Variants in NLGN1 observed in about 807,000 individuals in gnomAD.
NLGN1 encodes neuroligin-1.
NLGN1 carries 12 observed loss-of-function variants against 65.5 expected under a neutral mutation model. The ratio of observed to expected loss-of-function variants is 0.18; its 90% CI spans 0.12 to 0.30. The LOEUF (loss-of-function observed/expected upper bound fraction) is 0.30, where lower values mean the gene tolerates loss of function less well. Among genes scored for constraint, NLGN1 ranks in the 10% least tolerant of loss-of-function variants. The pLI is 1.00. For missense variants in NLGN1, 750 were observed against 1,007.1 expected (o/e 0.74, Z 3.46); for synonymous variants, 350 against 359.5 (o/e 0.97, Z 0.30).
At chr3:173,408,134 T>C (rs1711658252) in intron 1 of NLGN1, among the ~76,000 whole-genome samples, 1 of 152,120 alleles carries the variant, frequency 6.6e-6, no homozygotes, top group South Asian at 2.1e-4. Context: ...GGCACAATCC[T>C]GCCTACATAT....
intron 2 of NLGN1, among the ~76,000 whole-genome samples, chr3:173,515,368 T>C (rs1017652698): frequency 6.6e-6 from 1 of 152,172 alleles, no homozygotes; most frequent in South Asian, 2.1e-4. Flanking sequence ...TTGAGTCCCT[T>C]ATATATTTTG....
chr3:173,944,374 A>G (rs1188737346), intron 4 of NLGN1, among the ~76,000 whole-genome samples: 1 of 152,172 alleles, frequency 6.6e-6, no homozygotes, highest in African/African-American at 2.4e-5. Flanking sequence ...CTTTGTTTAC[A>G]TGGGCAACAT....
chr3:173,815,070 T>A (rs1718746252), intron 4 of NLGN1, among the ~76,000 whole-genome samples: 1 of 151,328 alleles, frequency 6.6e-6, no homozygotes, highest in Admixed American at 6.6e-5. Context: ...CCTTCCTTCT[T>A]TCCTTCGTTC....
At chr3:174,061,830 C>T (rs1406204252) in intron 4 of NLGN1, among the ~76,000 whole-genome samples, 2 of 152,076 alleles carry the variant, frequency 1.3e-5, no homozygotes, top group African/African-American at 4.8e-5. Flanking sequence ...GTTGCAGTTT[C>T]TTAAAATGGG....
At chr3:173,557,795 C>T (rs750482676) in intron 2 of NLGN1, among the ~76,000 whole-genome samples, 2 of 151,996 alleles carry the variant, frequency 1.3e-5, no homozygotes, top group Non-Finnish European at 2.9e-5. Context: ...ATTCAATTGT[C>T]TATTAAACAA....
chr3:173,569,917 G>T (rs1410386965), intron 2 of NLGN1, among the ~76,000 whole-genome samples: 1 of 152,054 alleles, frequency 6.6e-6, no homozygotes, highest in Non-Finnish European at 1.5e-5. Flanking sequence ...ATTCATTCAT[G>T]CATTTCTTCT....
chr3:173,831,157 T>C (rs970775820), intron 4 of NLGN1, among the ~76,000 whole-genome samples: 1 of 152,188 alleles, frequency 6.6e-6, no homozygotes, highest in Admixed American at 6.5e-5. Flanking sequence ...CCATTGTGTA[T>C]ATGTACCACA....
intron 4 of NLGN1, among the ~76,000 whole-genome samples, chr3:173,836,475 A>G (rs1723656354): frequency 6.6e-6 from 1 of 152,150 alleles, no homozygotes; most frequent in African/African-American, 2.4e-5. Flanking sequence ...AAATCAGAGG[A>G]TTTTGTAACT....
intron 4 of NLGN1, among the ~76,000 whole-genome samples, chr3:174,029,727 G>C (rs989112160): frequency 6.6e-6 from 1 of 152,160 alleles, no homozygotes. Context: ...GTGGGGCCAG[G>C]TGGAGATAAT....
intron 2 of NLGN1, among the ~76,000 whole-genome samples, chr3:173,553,821 T>TA (rs1741278079): frequency 6.6e-6 from 1 of 152,172 alleles, no homozygotes; most frequent in African/African-American, 2.4e-5. Flanking sequence ...GGCTCTTAGC[T>TA]ATTTTGTGAA....
intron 4 of NLGN1, among the ~76,000 whole-genome samples, chr3:173,825,697 A>G (rs1037413113): frequency 9.9e-5 from 15 of 152,224 alleles, no homozygotes; most frequent in African/African-American, 3.6e-4. Context: ...AAAGGATTAG[A>G]TCTAAGAAAT....
At chr3:173,542,597 C>A (rs1354441219) in intron 2 of NLGN1, among the ~76,000 whole-genome samples, 1 of 151,956 alleles carries the variant, frequency 6.6e-6, no homozygotes, top group Admixed American at 6.6e-5. Flanking sequence ...TTTAAGTTTT[C>A]TTCTTATATT....
chr3:174,054,770 T>C (rs1735675700), intron 4 of NLGN1, among the ~76,000 whole-genome samples: 1 of 152,016 alleles, frequency 6.6e-6, no homozygotes, highest in African/African-American at 2.4e-5. Context: ...GTGTCCACTT[T>C]CCATAAAAGT....
chr3:173,828,162 C>T (rs961488851), intron 4 of NLGN1, among the ~76,000 whole-genome samples: 9 of 151,980 alleles, frequency 5.9e-5, no homozygotes, highest in Non-Finnish European at 8.8e-5. Flanking sequence ...TATTTTATTC[C>T]TGTGATTTAA....
At chr3:173,805,862 A>G (rs1181064618) in intron 3 of NLGN1, among the ~76,000 whole-genome samples, 4 of 152,176 alleles carry the variant, frequency 2.6e-5, no homozygotes, top group Non-Finnish European at 4.4e-5. Context: ...CAGTTTAACA[A>G]TCTCAAAAGG....
intron 3 of NLGN1, chr3:173,800,265 TC>T: frequency 1.5e-5 from 13 of 888,372 alleles, no homozygotes; most frequent in South Asian, 1.9e-5. Context: ...TTTTTTTTTT[TC>T]CTCCATTTCT....
chr3:173,596,343 A>T (rs1437137577), intron 2 of NLGN1, among the ~76,000 whole-genome samples: 2 of 152,202 alleles, frequency 1.3e-5, no homozygotes, highest in Non-Finnish European at 2.9e-5. Flanking sequence ...TCCCAGGAGG[A>T]GGTTCTGGGC....
chr3:173,818,756 A>G (rs1719546206), intron 4 of NLGN1, among the ~76,000 whole-genome samples: 1 of 152,154 alleles, frequency 6.6e-6, no homozygotes, highest in South Asian at 2.1e-4. Flanking sequence ...GAAGTGTAAT[A>G]AATTAGCTGC....
At chr3:173,598,469 A>T (rs991307227) in intron 2 of NLGN1, among the ~76,000 whole-genome samples, 10 of 152,208 alleles carry the variant, frequency 6.6e-5, no homozygotes, top group African/African-American at 2.2e-4. Context: ...TGCTTTAGAG[A>T]TCTCTGCCCC....
Sources: gnomAD v4.1 joint callset for allele counts (sites outside exome capture counted in the v4.1 genomes callset) on GRCh38, gnomAD v4.1.1 for gene constraint, MANE v1.5 for transcripts, NCBI Gene and HGNC (gene_info 2026-07-23, HGNC 2026-07-21) for gene names.